Variants in SLC36A2 observed in about 807,000 individuals in gnomAD.
The protein encoded by SLC36A2 is proton-coupled amino acid transporter 2.
SLC36A2 carries 39 observed loss-of-function variants against 42.7 expected under a neutral mutation model. The ratio of observed to expected loss-of-function variants is 0.91; its 90% CI spans 0.71 to 1.19. The LOEUF is 1.19. SLC36A2 is among the 50% of genes most tolerant of loss of function. SLC36A2 has a pLI of 0.00. For missense variants in SLC36A2, 590 were observed against 613.7 expected (o/e 0.96, Z 0.41); for synonymous variants, 237 against 240.8 (o/e 0.98, Z 0.15).
rs574743913 is a variant in SLC36A2 at position 151,315,093 on chromosome 5, G to C, written c.*1724C>G. On this transcript the variant is annotated 3_prime_UTR_variant, in exon 10 of 10. Coordinates refer to ENST00000335244, the MANE Select transcript of SLC36A2 (RefSeq NM_181776.3). ...GATATAGTCTAGGATGGCTTTACTCGTGTCTGGAAGTTGGTAGGCTGGTTG... is the reference window on the plus strand; with the variant it reads ...GATATAGTCTAGGATGGCTTTACTCCTGTCTGGAAGTTGGTAGGCTGGTTG... 1 of 152,620 alleles carries C rather than the reference G, an allele frequency of 6.6e-6. No individual in the cohort carries two copies. The highest frequency in any genetic ancestry group is 1.5e-5 in the Non-Finnish European group (1 of 68,072). 9.5% of individuals were successfully genotyped at this position (152,620 alleles called of 1,614,324 possible). A position where few individuals can be genotyped will look rare whatever the true frequency, so the allele number is the denominator to read the frequency against.
At chr5:151,332,165 C>T (rs1756016593) in intron 7 of SLC36A2, among the ~76,000 whole-genome samples, 1 of 152,010 alleles carries the variant, frequency 6.6e-6, no homozygotes, top group South Asian at 2.1e-4. Context: ...CCGCGCCCGG[C>T]TCCATCTCAT....
chr5:151,321,782 G>T (rs1253628188), intron 9 of SLC36A2: 10 of 417,060 alleles, frequency 2.4e-5, no homozygotes, highest in East Asian at 2.2e-4. Flanking sequence ...ATGTTCAAGT[G>T]ATCCTCTTGC....
intron 4 of SLC36A2, among the ~76,000 whole-genome samples, chr5:151,340,158 G>A (rs1300492646): frequency 1.6e-5 from 2 of 121,584 alleles, no homozygotes; most frequent in Non-Finnish European, 3.5e-5. Flanking sequence ...AGAAGGAGGA[G>A]GAAGAAGAGG....
chr5:151,338,658 AG>A, intron 5 of SLC36A2: 1 of 198,482 alleles, frequency 5.0e-6, no homozygotes, highest in South Asian at 8.9e-5. Context: ...CCTGGGTGAC[AG>A]AGCAATATCC....
Position 151,322,221 on chromosome 5 carries a change from A to G in SLC36A2, c.1011-6T>C. 6.2e-7 allele frequency: 1 copy of G among 1,613,922 alleles called. No individual in the cohort carries two copies. The highest frequency in any genetic ancestry group is 1.6e-4 in the Middle Eastern group (1 of 6,062). ...GCTTGACAGACTGGTACAGCCTGCAAGACAAACCACAGAGCTGCTCTCCAC... is the reference window on the plus strand; with the variant it reads ...GCTTGACAGACTGGTACAGCCTGCAGGACAAACCACAGAGCTGCTCTCCAC... On this transcript the variant is annotated splice_polypyrimidine_tract_variant and splice_region_variant and intron_variant, in intron 8 of 9. Transcript: ENST00000335244.
At chr5:151,328,639 A>C (rs1755913128) in intron 7 of SLC36A2, among the ~76,000 whole-genome samples, 2 of 152,202 alleles carry the variant, frequency 1.3e-5, no homozygotes. Context: ...GGCACCTAAA[A>C]ATCTGAGATA....
At chr5:151,335,109 A>T (rs923281748) in intron 6 of SLC36A2, among the ~76,000 whole-genome samples, 1 of 152,178 alleles carries the variant, frequency 6.6e-6, no homozygotes, top group Non-Finnish European at 1.5e-5. Context: ...AGAATTTGAC[A>T]TAAAAATAGA....
chr5:151,343,113 C>T (rs533667880), intron 3 of SLC36A2, 130 bp from the exon 4 acceptor site: 6 of 764,364 alleles, frequency 7.8e-6, no homozygotes, highest in South Asian at 5.9e-5. Flanking sequence ...GCAGAGACCT[C>T]GGGCTTTGAC....
At chr5:151,321,286 TC>T (rs1403881781) in intron 9 of SLC36A2, among the ~76,000 whole-genome samples, 1 of 150,648 alleles carries the variant, frequency 6.6e-6, no homozygotes, top group Non-Finnish European at 1.5e-5. Flanking sequence ...CACCCTAGCC[TC>T]CCAAGTAGCT....
At position 151,316,240 on chromosome 5, in the gene SLC36A2, C is replaced by G. The variant is rs1755487782; in HGVS notation, c.*577G>C. 1 of 154,018 alleles carries G rather than the reference C, an allele frequency of 6.5e-6. No homozygotes were observed. Among genetic ancestry groups the G allele is most frequent in the Admixed American group, 6.4e-5 (1 of 15,596 alleles). 9.5% of individuals were successfully genotyped at this position (154,018 alleles called of 1,614,324 possible). On this transcript the variant is annotated 3_prime_UTR_variant, in exon 10 of 10. Transcript: ENST00000335244. ...ATAGCTCCACGCTAGGTATGAAATTCATTGTGTGAATTATCATAAGCTTGG... is the reference window on the plus strand; with the variant it reads ...ATAGCTCCACGCTAGGTATGAAATTGATTGTGTGAATTATCATAAGCTTGG...
chr5:151,316,740 CA>C lies in SLC36A2; in HGVS notation c.*76del, dbSNP rs33912867. 0.072 allele frequency: 63,271 copies of C among 877,414 alleles called. 1 individual carries two copies. The highest frequency in any genetic ancestry group is 0.079 in the Non-Finnish European group (52,380 of 663,796). The allele number at this position is 877,414 out of a possible 1,614,324, so 54.4% of individuals were successfully genotyped here. A position where few individuals can be genotyped will look rare whatever the true frequency, so the allele number is the denominator to read the frequency against. ...GGGCAACAAGACAGAAACTCCGTCTCAAAAAAAAAAAAAAAAAAAAAAAGAG... is the reference window on the plus strand; with the variant it reads ...GGGCAACAAGACAGAAACTCCGTCTCAAAAAAAAAAAAAAAAAAAAAAGAG... On this transcript the variant is annotated 3_prime_UTR_variant, in exon 10 of 10. Coordinates refer to ENST00000335244, the MANE Select transcript of SLC36A2 (RefSeq NM_181776.3).
At chr5:151,339,332 T>TC (rs1407238536) in intron 4 of SLC36A2, among the ~76,000 whole-genome samples, 188 bp from the exon 5 acceptor site, 1 of 151,492 alleles carries the variant, frequency 6.6e-6, no homozygotes, top group African/African-American at 2.4e-5. Context: ...TTTTTTTTTT[T>TC]AGAAGGAGTT....
chr5:151,335,522 G>A lies in SLC36A2; in HGVS notation c.551C>T (p.Thr184Ile), dbSNP rs1179758635. 4 of 1,613,892 alleles carry A rather than the reference G, an allele frequency of 2.5e-6. No individual in the cohort carries two copies. In the Admixed American group the frequency reaches 5.0e-5, roughly 20 times the overall value. The change falls in exon 6 of 10, where the codon ACC becomes ATC. Residue 184 changes from threonine to isoleucine, a missense_variant. Transcript: ENST00000335244. ...KQVVEAVNST[T>I]NNCYSNETVI... Reference sequence around the variant, plus strand: ...CGTCTCATTGGAATAGCAGTTGTTGGTTGTGCTATTAACAGCTTCCACTAC... The same window carrying A: ...CGTCTCATTGGAATAGCAGTTGTTGATTGTGCTATTAACAGCTTCCACTAC...
intron 1 of SLC36A2, among the ~76,000 whole-genome samples, chr5:151,346,945 C>CTACCTCTT: frequency 6.6e-6 from 1 of 152,336 alleles, no homozygotes; most frequent in East Asian, 1.9e-4. Context: ...GTTAGGGATT[C>CTACCTCTT]TACCTCTATC....
At chr5:151,336,060 A>C (rs2127294973) in intron 5 of SLC36A2, among the ~76,000 whole-genome samples, 1 of 152,310 alleles carries the variant, frequency 6.6e-6, no homozygotes, top group East Asian at 1.9e-4. Context: ...CACAAAATAA[A>C]TAACTGGATT....
chr5:151,337,447 C>T (rs1178832185), intron 5 of SLC36A2, among the ~76,000 whole-genome samples: 1 of 152,188 alleles, frequency 6.6e-6, no homozygotes, highest in Non-Finnish European at 1.5e-5. Flanking sequence ...TGATATTTAA[C>T]TTATTAGGTT....
chr5:151,342,114 A>G (rs550027557), intron 4 of SLC36A2, among the ~76,000 whole-genome samples: 8 of 152,206 alleles, frequency 5.3e-5, no homozygotes, highest in Non-Finnish European at 2.9e-5. Context: ...TTCCTGATTA[A>G]AACCCTCCAA....
chr5:151,317,157 A>G, intron 9 of SLC36A2, 69 bp from the exon 10 acceptor site: 3 of 1,571,922 alleles, frequency 1.9e-6, no homozygotes, highest in Non-Finnish European at 2.6e-6. Context: ...TTTGTTCTTA[A>G]AGTCCTCTTC....
chr5:151,339,030 T>C (rs1303334117), intron 5 of SLC36A2, 30 bp downstream of exon 5: 2 of 1,534,408 alleles, frequency 1.3e-6, no homozygotes, highest in African/African-American at 1.4e-5. Context: ...GTCCATCTTT[T>C]CCCCTCCCGT....
Sources: gnomAD v4.1 joint callset for allele counts (sites outside exome capture counted in the v4.1 genomes callset) on GRCh38, gnomAD v4.1.1 for gene constraint, MANE v1.5 for transcripts, NCBI Gene and HGNC (gene_info 2026-07-23, HGNC 2026-07-21) for gene names.